Variants in FBXO42 observed in about 807,000 individuals in gnomAD.
The protein encoded by FBXO42 is F-box only protein 42.
Under a neutral mutation model 71.7 loss-of-function variants are expected in FBXO42, and 12 were observed. The observed-to-expected ratio is 0.17, with a 90% CI of 0.11 to 0.27. The LOEUF (loss-of-function observed/expected upper bound fraction) is 0.27, where lower values mean the gene tolerates loss of function less well. Ranked by LOEUF, FBXO42 falls within the 10% of genes least tolerant of loss-of-function variation. The pLI is 1.00. For missense variants in FBXO42, 707 were observed against 911.9 expected, an observed-to-expected ratio of 0.78 and a Z score of 2.89; for synonymous variants, 325 against 327.5, an observed-to-expected ratio of 0.99 and a Z score of 0.08.
Position 16,250,426 on chromosome 1 carries a change from A to G in FBXO42, c.*244T>C, listed in dbSNP as rs1331798063. On this transcript the variant is annotated 3_prime_UTR_variant, in exon 10 of 10. Coordinates refer to ENST00000375592, the MANE Select transcript of FBXO42 (RefSeq NM_018994.3). This position sits in a 1 kb window ranked among gnomAD's most constrained non-coding sequence, Gnocchi z 4.7. ...AAAACACAGCAACAACTTTATCTGAACCAGGATGGAAATCTCTCCCTTTTT... is the reference window on the plus strand; with the variant it reads ...AAAACACAGCAACAACTTTATCTGAGCCAGGATGGAAATCTCTCCCTTTTT... The G allele has an allele frequency of 6.4e-6, 1 of 157,334 alleles. No individual in the cohort carries two copies. Among genetic ancestry groups the G allele is most frequent in the Non-Finnish European group, 1.4e-5 (1 of 71,968 alleles). 9.7% of individuals were successfully genotyped at this position (157,334 alleles called of 1,614,324 possible).
At chr1:16,295,858 C>A (rs571310010) in intron 3 of FBXO42, among the ~76,000 whole-genome samples, 41 of 152,118 alleles carry the variant, frequency 2.7e-4, no homozygotes, top group Non-Finnish European at 3.8e-4. Context: ...CCCAAAGCAA[C>A]AGATTGAAAA....
chr1:16,284,256 G>A (rs1274453743), intron 4 of FBXO42, among the ~76,000 whole-genome samples: 1 of 152,142 alleles, frequency 6.6e-6, no homozygotes, highest in African/African-American at 2.4e-5. Context: ...AATGGTTTCT[G>A]TTCTACCCTC....
chr1:16,323,785 A>G (rs72637830), intron 1 of FBXO42, among the ~76,000 whole-genome samples: 44,952 of 136,020 alleles, frequency 0.33, 7,953 homozygotes, highest in African/African-American at 0.4. Context: ...ACAAAGCAAG[A>G]CTCTGTCTCA....
Position 16,251,926 on chromosome 1 carries a change from T to C in FBXO42, c.1039-141A>G, listed in dbSNP as rs1232040514. 7 of 1,107,728 alleles carry C rather than the reference T, an allele frequency of 6.3e-6. No individual in the cohort carries two copies. The Admixed American group carries it at 1.9e-4, about 31-fold the overall frequency. 68.6% of individuals were successfully genotyped at this position (1,107,728 alleles called of 1,614,324 possible). On this transcript the variant is annotated intron_variant, in intron 9 of 9. Transcript: ENST00000375592. The surrounding 1 kb of genome is among the most constrained non-coding windows in gnomAD (Gnocchi z 4.5). ...ATATGAAGATGAAAATGATGTAGTCTGCCCTCTAGGCTAGAAGTCAGACAT... is the reference window on the plus strand; with the variant it reads ...ATATGAAGATGAAAATGATGTAGTCCGCCCTCTAGGCTAGAAGTCAGACAT...
chr1:16,256,991 C>CCTCT (rs1269628365), intron 4 of FBXO42, among the ~76,000 whole-genome samples: 1 of 152,148 alleles, frequency 6.6e-6, no homozygotes, highest in Admixed American at 6.5e-5. Flanking sequence ...AGTTACTTAG[C>CCTCT]CTCTCTCATG....
chr1:16,343,401 C>A (rs1331402554), intron 1 of FBXO42, among the ~76,000 whole-genome samples: 1 of 152,004 alleles, frequency 6.6e-6, no homozygotes, highest in Non-Finnish European at 1.5e-5. Flanking sequence ...AAAAAATTAG[C>A]CTGGCATGGT....
In FBXO42 at chr1:16,249,614, T is replaced by A. The variant is rs1452288801; in HGVS notation, c.*1056A>T. 2.0e-5 allele frequency: 3 copies of A among 152,192 alleles called. No individual in the cohort carries two copies. The highest frequency in any genetic ancestry group is 4.4e-5 in the Non-Finnish European group (3 of 68,030). 9.4% of individuals were successfully genotyped at this position (152,192 alleles called of 1,614,324 possible). ...AAAAACAGTATCTTTTGATGCTTGCTTCAAAGATTTCTCACAATATTGGCA... is the reference window on the plus strand; with the variant it reads ...AAAAACAGTATCTTTTGATGCTTGCATCAAAGATTTCTCACAATATTGGCA... On this transcript the variant is annotated 3_prime_UTR_variant, in exon 10 of 10. Coordinates refer to ENST00000375592, the MANE Select transcript of FBXO42 (RefSeq NM_018994.3).
At chr1:16,281,467 TTTTTG>T (rs1433913240) in intron 4 of FBXO42, among the ~76,000 whole-genome samples, 5 of 147,882 alleles carry the variant, frequency 3.4e-5, no homozygotes, top group Non-Finnish European at 3.0e-5. Context: ...TCTTTTTCTT[TTTTTG>T]TTTTTTTTTT....
intron 1 of FBXO42, 94 bp from the exon 2 acceptor site, chr1:16,315,529 C>G: frequency 7.7e-7 from 1 of 1,300,114 alleles, no homozygotes; most frequent in Admixed American, 2.4e-5. Flanking sequence ...AATTTCGTTT[C>G]CACTCTCAGT....
At chr1:16,255,872 T>C (rs748282671) in intron 5 of FBXO42, 51 bp from the exon 6 acceptor site, 20 of 1,317,124 alleles carry the variant, frequency 1.5e-5, no homozygotes, top group Non-Finnish European at 1.8e-5. Context: ...ACACACTTTA[T>C]GTAAAAATAG....
At chr1:16,347,285 G>T (rs1447448452) in intron 1 of FBXO42, among the ~76,000 whole-genome samples, 2 of 151,928 alleles carry the variant, frequency 1.3e-5, no homozygotes, top group African/African-American at 4.8e-5. Flanking sequence ...GGAGGCTGAG[G>T]CAGGTGGATC....
intron 4 of FBXO42, among the ~76,000 whole-genome samples, chr1:16,280,155 G>T (rs1444057101): frequency 6.6e-6 from 1 of 152,116 alleles, no homozygotes; most frequent in Non-Finnish European, 1.5e-5. Context: ...CCAACAATAT[G>T]TACTCTTGAT....
chr1:16,295,389 T>TC (rs2082117863), intron 3 of FBXO42, among the ~76,000 whole-genome samples: 2 of 152,272 alleles, frequency 1.3e-5, no homozygotes, highest in Admixed American at 1.3e-4. Flanking sequence ...AATCTTTTTT[T>TC]TTTCTTTCTT....
At chr1:16,331,778 C>T (rs1490790697) in intron 1 of FBXO42, among the ~76,000 whole-genome samples, 2 of 151,890 alleles carry the variant, frequency 1.3e-5, no homozygotes, top group Non-Finnish European at 2.9e-5. Context: ...CAGCCAGGCG[C>T]GGTGGCTCAT....
At chr1:16,300,066 T>G (rs1326058742) in intron 3 of FBXO42, among the ~76,000 whole-genome samples, 5 of 152,196 alleles carry the variant, frequency 3.3e-5, no homozygotes, top group African/African-American at 1.2e-4. Flanking sequence ...CAAGTTCAAA[T>G]GAACCTTTTA....
chr1:16,259,072 A>G (rs2081681287), intron 4 of FBXO42, among the ~76,000 whole-genome samples: 2 of 152,260 alleles, frequency 1.3e-5, no homozygotes, highest in Admixed American at 6.5e-5. Context: ...TATCACATCA[A>G]TCTGAAGTGC....
chr1:16,295,264 C>T (rs2082116812), intron 3 of FBXO42, among the ~76,000 whole-genome samples: 1 of 152,216 alleles, frequency 6.6e-6, no homozygotes, highest in South Asian at 2.1e-4. Flanking sequence ...CATCATTATC[C>T]TCTAGAGCTA....
intron 1 of FBXO42, among the ~76,000 whole-genome samples, chr1:16,317,817 G>A (rs2082381403): frequency 2.0e-5 from 3 of 151,854 alleles, no homozygotes; most frequent in South Asian, 2.1e-4. Flanking sequence ...CTACCCAGGA[G>A]GCTGAGCAGG....
chr1:16,317,959 C>T (rs187070054), intron 1 of FBXO42, among the ~76,000 whole-genome samples: 2 of 151,526 alleles, frequency 1.3e-5, no homozygotes, highest in Non-Finnish European at 2.9e-5. Flanking sequence ...ATATACTATA[C>T]GATTACAATT....
Sources: gnomAD v4.1 joint callset for allele counts (sites outside exome capture counted in the v4.1 genomes callset) on GRCh38, gnomAD v4.1.1 for gene constraint, Gnocchi (gnomAD v3.1) non-coding constraint, MANE v1.5 for transcripts, NCBI Gene and HGNC (gene_info 2026-07-23, HGNC 2026-07-21) for gene names.